The following DYSF variants were observed in gnomAD, a reference collection of about 807,000 sequenced individuals.
The protein encoded by DYSF is dysferlin.
A neutral mutation model predicts 274.9 loss-of-function variants in DYSF; 212 were observed. The observed-to-expected ratio is 0.77, with a 90% CI of 0.69 to 0.86. DYSF has a LOEUF of 0.86. Among genes scored for constraint, DYSF ranks in the 40% least tolerant of loss-of-function variants. DYSF has a pLI of 0.00. For synonymous variants in DYSF, 1,091 were observed against 1,078.7 expected (o/e 1.01, Z -0.22); for missense variants, 2,666 against 2,783.2 (o/e 0.96, Z 0.95).
chr2:71,489,924 T>G (rs1400766774), intron 3 of DYSF, among the ~76,000 whole-genome samples: 1 of 152,202 alleles, frequency 6.6e-6, no homozygotes, highest in African/African-American at 2.4e-5. Context: ...AAGCAGTCCC[T>G]ATGTTGCCAG....
rs535056731 is a variant in DYSF at position 71,561,809 on chromosome 2, G to T, written c.2274G>T (p.Leu758=). 1 of 1,614,146 alleles carries T rather than the reference G, an allele frequency of 6.2e-7. No individual in the cohort carries two copies. The highest frequency in any genetic ancestry group is 1.3e-5 in the African/African-American group (1 of 75,032). Residue 758 remains leucine (L), a synonymous_variant, in exon 23 of 56, where the codon CTG becomes CTT. Transcript: ENST00000410020. ...TPSATHLDQY[L]YQLRTHHLSQ... is the part of the protein sequence containing the mutation. ...CTGCCACCCACCTGGACCAGTACCT[G>T]TACCAGCTGCGCACCCATCACCTGA...
At chr2:71,456,069 C>G (rs1049498840) in intron 1 of DYSF, among the ~76,000 whole-genome samples, 2 of 152,130 alleles carry the variant, frequency 1.3e-5, no homozygotes, top group African/African-American at 2.4e-5. Flanking sequence ...GCAGCTCCCC[C>G]CATCCTGCAT....
intron 12 of DYSF, among the ~76,000 whole-genome samples, chr2:71,521,157 C>T (rs771370041): frequency 6.6e-6 from 1 of 152,144 alleles, no homozygotes; most frequent in Non-Finnish European, 1.5e-5. Flanking sequence ...GCACATCCCT[C>T]TGGAAGGATA....
chr2:71,646,847 A>G (rs2094574716), intron 42 of DYSF, among the ~76,000 whole-genome samples: 1 of 152,232 alleles, frequency 6.6e-6, no homozygotes, highest in Non-Finnish European at 1.5e-5. Flanking sequence ...ATCTAAAACA[A>G]TACAACTTAG....
At chr2:71,652,404 C>G (rs1160155390) in intron 42 of DYSF, among the ~76,000 whole-genome samples, 1 of 152,164 alleles carries the variant, frequency 6.6e-6, no homozygotes, top group African/African-American at 2.4e-5. Context: ...GTAGAACCAT[C>G]AGGAGAACCC....
At chr2:71,673,711 C>A (rs1002665693) in intron 51 of DYSF, among the ~76,000 whole-genome samples, 2 of 152,114 alleles carry the variant, frequency 1.3e-5, no homozygotes, top group African/African-American at 4.8e-5. Flanking sequence ...GTCCAGCTTG[C>A]CACTTCCTAG....
intron 3 of DYSF, among the ~76,000 whole-genome samples, chr2:71,492,705 C>T (rs369003771): frequency 5.7e-4 from 80 of 139,336 alleles, no homozygotes; most frequent in African/African-American, 1.9e-3. Flanking sequence ...TCCTCCCCCC[C>T]CCCCTTTTCT....
At chr2:71,569,156 G>C (rs1165322464) in intron 26 of DYSF, among the ~76,000 whole-genome samples, 1 of 152,238 alleles carries the variant, frequency 6.6e-6, no homozygotes, top group Non-Finnish European at 1.5e-5. Flanking sequence ...TTACAGGCTT[G>C]AGCCACCGCG....
At position 71,660,567 on chromosome 2, in the gene DYSF, C is replaced by T. The variant is rs573425667; in HGVS notation, c.4919C>T (p.Pro1640Leu). 1.2e-6 allele frequency: 2 copies of T among 1,613,940 alleles called. No individual in the cohort carries two copies. The highest frequency in any genetic ancestry group is 2.2e-5 in the South Asian group (2 of 91,078). The change falls in exon 45 of 56, where the codon CCT becomes CTT. Residue 1640 changes from proline (P) to leucine (L), a missense_variant. Pro to Leu is a moderately conservative substitution (Grantham distance 98, BLOSUM62 -3). Around this residue, in one of 3 missense-constraint regions of DYSF, gnomAD observed 1,460 missense variants for 1,502.1 expected, o/e 0.97. Coordinates refer to ENST00000410020, the MANE Select transcript of DYSF (RefSeq NM_001130987.2). ...TTTTGTCTCCTCCTCCAGTGTGATC[C>T]TTACATCAAGATCTCCATAGGGAAG... is the stretch of plus-strand genomic sequence containing the variant. ...QPKDPNGKCD[P>L]YIKISIGKKS... is the part of the protein sequence containing the mutation.
chr2:71,548,567 C>T (rs990098858), intron 17 of DYSF, among the ~76,000 whole-genome samples: 2 of 116,520 alleles, frequency 1.7e-5, no homozygotes, highest in East Asian at 4.0e-4. Context: ...CTTGGCGCAT[C>T]GCATACCTGC....
intron 22 of DYSF, among the ~76,000 whole-genome samples, chr2:71,560,061 C>T (rs920620652): frequency 2.1e-4 from 32 of 152,216 alleles, no homozygotes; most frequent in South Asian, 1.4e-3. Flanking sequence ...AGTCAGCCGG[C>T]GTTGGCGGGG....
chr2:71,458,397 T>C (rs923385745), intron 1 of DYSF, among the ~76,000 whole-genome samples: 1 of 152,172 alleles, frequency 6.6e-6, no homozygotes, highest in Non-Finnish European at 1.5e-5. Flanking sequence ...TGTTTCTCCA[T>C]CCACTGTCCT....
chr2:71,551,474 AG>A, intron 18 of DYSF, 132 bp from the exon 19 acceptor site: 1 of 747,446 alleles, frequency 1.3e-6, no homozygotes, highest in Non-Finnish European at 2.3e-6. Flanking sequence ...CCTCACCTGC[AG>A]GGGGGATGAG....
At chr2:71,680,088 G>A (rs959626412) in intron 53 of DYSF, among the ~76,000 whole-genome samples, 42 of 152,078 alleles carry the variant, frequency 2.8e-4, no homozygotes, top group Non-Finnish European at 5.3e-4. Flanking sequence ...CACAGTAAGA[G>A]ATTAACAACA....
In DYSF at chr2:71,681,032, C is replaced by CA. The variant is rs398123799; in HGVS notation, c.6096dup (p.Glu2033ArgfsTer3). ...CTGGAAATGACCTTGGAGATTGTAG[C>CA]AGAGAGTGAGCATGAGGAGCGGCCT... On this transcript the variant is annotated frameshift_variant, in exon 54 of 56. Transcript: ENST00000410020. LOFTEE classifies it high-confidence loss of function. The CA allele has an allele frequency of 8.5e-5, 137 of 1,614,066 alleles. No homozygotes were observed. Among genetic ancestry groups the CA allele is most frequent in the Admixed American group, 1.7e-4 (10 of 60,012 alleles).
At chr2:71,518,941 A>C (rs561895642) in intron 10 of DYSF, among the ~76,000 whole-genome samples, 7 of 151,886 alleles carry the variant, frequency 4.6e-5, no homozygotes, top group African/African-American at 1.7e-4. Flanking sequence ...AAAAATACAA[A>C]AATTAGCTGG....
chr2:71,519,926 G>A (rs1303747453), intron 10 of DYSF, among the ~76,000 whole-genome samples: 1 of 149,430 alleles, frequency 6.7e-6, no homozygotes, highest in African/African-American at 2.5e-5. Flanking sequence ...GCCTCCCAAA[G>A]TGCTGGGATT....
chr2:71,630,159 G>T lies in DYSF; in HGVS notation c.4527+9550G>T, dbSNP rs531627599. Among the ~76,000 whole-genome samples, 44 of 152,142 alleles carry T rather than the reference G, an allele frequency of 2.9e-4. 1 individual carries two copies. In the South Asian group the frequency reaches 7.9e-3, roughly 27 times the overall value. The stretch of plus-strand genomic sequence containing the variant: ...GTTAGATTCTTTCCATAAATTCATG[G>T]GCCCTTCTAATCTCAAACTCAGACA... On this transcript the variant is annotated intron_variant, in intron 41 of 55. Transcript: ENST00000410020.
chr2:71,554,172 C>G (rs2091173601), intron 21 of DYSF, among the ~76,000 whole-genome samples: 1 of 152,182 alleles, frequency 6.6e-6, no homozygotes, highest in Non-Finnish European at 1.5e-5. Context: ...TGCAGTGGGA[C>G]ACAGAGCAAG....
Sources: allele counts gnomAD v4.1 joint callset (sites outside exome capture counted in the v4.1 genomes callset), GRCh38; gene constraint gnomAD v4.1.1; regional missense constraint gnomAD v4.1.1; transcripts MANE v1.5; gene names NCBI Gene and HGNC (gene_info 2026-07-23, HGNC 2026-07-21).